The following SGK1 variants were observed in gnomAD, a reference collection of about 807,000 sequenced individuals.
SGK1 encodes serum/glucocorticoid regulated kinase 1.
In SGK1, 26 loss-of-function variants were observed where a neutral mutation model predicts 64.2. That is an observed-to-expected ratio of 0.40 (90% confidence interval 0.30 to 0.56). The LOEUF (loss-of-function observed/expected upper bound fraction) is 0.56. SGK1 is among the 20% of genes least tolerant of loss of function. SGK1 has a pLI of 0.38. For synonymous variants in SGK1, 265 were observed against 239.7 expected (o/e 1.11, Z -0.98); for missense variants, 519 against 645.6 (o/e 0.80, Z 2.12).
intron 1 of SGK1, among the ~76,000 whole-genome samples, chr6:134,308,893 GC>G (rs1777572455): frequency 6.6e-6 from 1 of 152,052 alleles, no homozygotes; most frequent in Non-Finnish European, 1.5e-5. Context: ...TTTCTCTTTT[GC>G]CTTGCTGTGA....
intron 3 of SGK1, among the ~76,000 whole-genome samples, chr6:134,180,068 C>G (rs1369704949): frequency 1.3e-5 from 2 of 152,118 alleles, no homozygotes; most frequent in Non-Finnish European, 2.9e-5. Context: ...ATCCTCCCAC[C>G]TCGGACTCCT....
intron 2 of SGK1, among the ~76,000 whole-genome samples, chr6:134,213,522 A>AAAAT (rs562060619): frequency 7.5e-4 from 111 of 147,530 alleles, no homozygotes; most frequent in Admixed American, 2.3e-3. Flanking sequence ...ACTCTGTCTC[A>AAAAT]AAATAAATAA....
intron 1 of SGK1, among the ~76,000 whole-genome samples, chr6:134,280,742 T>C (rs1777081464): frequency 6.6e-6 from 1 of 152,188 alleles, no homozygotes; most frequent in Admixed American, 6.5e-5. Context: ...ATTGAAAGTG[T>C]GTGCCTGTCA....
intron 1 of SGK1, among the ~76,000 whole-genome samples, chr6:134,301,797 G>A (rs372451805): frequency 6.6e-6 from 1 of 151,910 alleles, no homozygotes; most frequent in Non-Finnish European, 1.5e-5. Flanking sequence ...GGGTCTTGCT[G>A]TGTTGCCCAG....
chr6:134,176,488 C>T (rs1310864184), intron 3 of SGK1, among the ~76,000 whole-genome samples: 1 of 152,258 alleles, frequency 6.6e-6, no homozygotes, highest in Non-Finnish European at 1.5e-5. Flanking sequence ...CGCAGCCTGA[C>T]CGCCGGCGCG....
intron 2 of SGK1, among the ~76,000 whole-genome samples, chr6:134,233,605 C>G (rs907055208): frequency 6.6e-6 from 1 of 152,152 alleles, no homozygotes; most frequent in Non-Finnish European, 1.5e-5. Context: ...GAGGTATTAA[C>G]GAACTCGAAA....
intron 2 of SGK1, among the ~76,000 whole-genome samples, chr6:134,241,355 G>A (rs947154578): frequency 2.0e-5 from 3 of 151,768 alleles, no homozygotes; most frequent in African/African-American, 7.3e-5. Flanking sequence ...AGGCTCTGAA[G>A]ATGTTTTTTT....
Position 134,265,431 on chromosome 6 carries a change from G to A in SGK1, c.70-3283C>T, listed in dbSNP as rs182052355. On this transcript the variant is annotated intron_variant, in intron 1 of 13. Coordinates refer to ENST00000367858, the MANE Select transcript of SGK1 (RefSeq NM_001143676.3). The stretch of plus-strand genomic sequence containing the variant: ...ACCAAGATCATGCCATTGCACTCCA[G>A]CCTGGGCAACAAGAGTGAAAACTCT... 9.9e-5 allele frequency among the ~76,000 whole-genome samples: 15 copies of A among 151,312 alleles called. 1 individual carries two copies. The East Asian group carries it at 2.3e-3, about 23-fold the overall frequency.
intron 1 of SGK1, among the ~76,000 whole-genome samples, chr6:134,273,807 G>GTATT (rs1776978727): frequency 6.6e-6 from 1 of 151,610 alleles, no homozygotes; most frequent in Non-Finnish European, 1.5e-5. Flanking sequence ...GGACCCTGAA[G>GTATT]TATTTATTTT....
chr6:134,281,216 G>T (rs979342458), intron 1 of SGK1, among the ~76,000 whole-genome samples: 4 of 152,150 alleles, frequency 2.6e-5, no homozygotes, highest in Non-Finnish European at 4.4e-5. Context: ...CTTAGTTTTT[G>T]GTCATTTTAG....
intron 2 of SGK1, among the ~76,000 whole-genome samples, chr6:134,252,556 T>TA (rs957654862): frequency 1.1e-4 from 11 of 100,544 alleles, no homozygotes; most frequent in South Asian, 3.5e-4. Flanking sequence ...GACTCAGATT[T>TA]AAAAAAAAAT....
intron 3 of SGK1, among the ~76,000 whole-genome samples, chr6:134,203,114 C>T (rs1005666989): frequency 7.2e-5 from 11 of 152,152 alleles, no homozygotes; most frequent in South Asian, 6.2e-4. Context: ...CGTGGTGGCA[C>T]GTGCCTGTAA....
At chr6:134,284,815 A>T (rs975516162) in intron 1 of SGK1, among the ~76,000 whole-genome samples, 1 of 152,016 alleles carries the variant, frequency 6.6e-6, no homozygotes, top group Non-Finnish European at 1.5e-5. Flanking sequence ...GAGTTATTTC[A>T]CTTAGAATAA....
At chr6:134,177,543 T>G (rs1011989672) in intron 3 of SGK1, 8 of 780,512 alleles carry the variant, frequency 1.0e-5, no homozygotes, top group African/African-American at 1.9e-5. Flanking sequence ...TTTCAAACAT[T>G]AAATTAAGAA....
chr6:134,299,222 A>G (rs951883886), intron 1 of SGK1, among the ~76,000 whole-genome samples: 8 of 148,612 alleles, frequency 5.4e-5, no homozygotes, highest in African/African-American at 2.0e-4. Context: ...AAAAAAAGCC[A>G]GGCATGGCAG....
intron 3 of SGK1, chr6:134,175,769 T>C: frequency 6.0e-6 from 8 of 1,333,766 alleles, no homozygotes; most frequent in Non-Finnish European, 7.7e-6. Flanking sequence ...CTGCCCCGAG[T>C]CCCAAAACAA....
intron 1 of SGK1, among the ~76,000 whole-genome samples, chr6:134,267,361 G>T (rs781514587): frequency 1.3e-5 from 2 of 151,778 alleles, no homozygotes; most frequent in Non-Finnish European, 2.9e-5. Flanking sequence ...GCTGTGGCAC[G>T]ATCATAGCTC....
intron 3 of SGK1, among the ~76,000 whole-genome samples, chr6:134,204,071 G>GAA (rs771749391): frequency 9.2e-6 from 1 of 108,688 alleles, no homozygotes; most frequent in African/African-American, 3.4e-5. Flanking sequence ...CTCCACCTCA[G>GAA]AAAAAAAAAA....
At chr6:134,176,458 G>A (rs1775236161) in intron 3 of SGK1, among the ~76,000 whole-genome samples, 1 of 152,248 alleles carries the variant, frequency 6.6e-6, no homozygotes, top group South Asian at 2.1e-4. Context: ...TAACCCCGCG[G>A]CTGGGGGATG....
Sources: gnomAD v4.1 joint callset for allele counts (sites outside exome capture counted in the v4.1 genomes callset) on GRCh38, gnomAD v4.1.1 for gene constraint, MANE v1.5 for transcripts, NCBI Gene and HGNC (gene_info 2026-07-23, HGNC 2026-07-21) for gene names.